HS3ST4: variants seen among roughly 807,000 people sequenced by gnomAD.
The protein encoded by HS3ST4 is heparan sulfate glucosamine 3-O-sulfotransferase 4.
Under a neutral mutation model 29.2 loss-of-function variants are expected in HS3ST4, and 17 were observed. The observed-to-expected ratio is 0.58, with a 90% CI of 0.40 to 0.87. The LOEUF is 0.87. Ranked by LOEUF, HS3ST4 falls within the 40% of genes least tolerant of loss-of-function variation. The pLI, the probability that HS3ST4 is intolerant of heterozygous loss-of-function variation, is 0.00. For missense variants in HS3ST4, 627 were observed against 634.5 expected, an observed-to-expected ratio of 0.99 and a Z score of 0.13; for synonymous variants, 314 against 285.7, an observed-to-expected ratio of 1.10 and a Z score of -1.00.
At chr16:26,047,463 T>C (rs1159609119) in intron 1 of HS3ST4, among the ~76,000 whole-genome samples, 1 of 152,218 alleles carries the variant, frequency 6.6e-6, no homozygotes, top group Non-Finnish European at 1.5e-5. Flanking sequence ...GGGAAGCTAG[T>C]CATTTGTCAG....
chr16:25,997,836 A>T (rs1018992060), intron 1 of HS3ST4, among the ~76,000 whole-genome samples: 3 of 152,186 alleles, frequency 2.0e-5, no homozygotes, highest in African/African-American at 7.2e-5. Flanking sequence ...CCTTAAGGAT[A>T]AATAAATTAT....
intron 1 of HS3ST4, among the ~76,000 whole-genome samples, chr16:26,091,625 G>A (rs1898858549): frequency 6.6e-6 from 1 of 152,136 alleles, no homozygotes; most frequent in African/African-American, 2.4e-5. Context: ...GTGCAACCAA[G>A]CCATATATAT....
intron 1 of HS3ST4, among the ~76,000 whole-genome samples, chr16:25,954,967 A>G (rs1222611597): frequency 1.3e-5 from 2 of 152,204 alleles, no homozygotes; most frequent in African/African-American, 4.8e-5. Flanking sequence ...AATCAACATG[A>G]AGAGCTGAGT....
chr16:25,783,698 A>G (rs1174191433), intron 1 of HS3ST4, among the ~76,000 whole-genome samples: 5 of 152,214 alleles, frequency 3.3e-5, no homozygotes, highest in African/African-American at 1.2e-4. Context: ...ATTGTGGTAA[A>G]ATATACAAAA....
intron 1 of HS3ST4, among the ~76,000 whole-genome samples, chr16:25,845,974 G>A (rs1173192640): frequency 6.6e-6 from 1 of 152,156 alleles, no homozygotes; most frequent in East Asian, 1.9e-4. Flanking sequence ...CGTATTTGGA[G>A]TTGTCCCCTG....
At chr16:25,791,868 G>A (rs914679620) in intron 1 of HS3ST4, among the ~76,000 whole-genome samples, 1 of 151,692 alleles carries the variant, frequency 6.6e-6, no homozygotes, top group African/African-American at 2.4e-5. Flanking sequence ...TCATTTTCTT[G>A]TCTTATGGCA....
At chr16:25,796,722 G>T (rs577456589) in intron 1 of HS3ST4, among the ~76,000 whole-genome samples, 1 of 152,204 alleles carries the variant, frequency 6.6e-6, no homozygotes, top group Non-Finnish European at 1.5e-5. Flanking sequence ...CTCCTGCCTC[G>T]CAGCACTAGC....
At chr16:26,052,799 T>C (rs978691503) in intron 1 of HS3ST4, among the ~76,000 whole-genome samples, 10 of 152,260 alleles carry the variant, frequency 6.6e-5, no homozygotes, top group African/African-American at 2.4e-4. Context: ...TCTTGGACTC[T>C]GAACTGGGAT....
chr16:25,692,449 C>G lies in HS3ST4; in HGVS notation c.32C>G (p.Pro11Arg). The G allele has an allele frequency of 2.4e-6, 3 of 1,270,982 alleles. No individual in the cohort carries two copies. The highest frequency in any genetic ancestry group is 2.0e-6 in the Non-Finnish European group (2 of 998,002). 78.7% of individuals were successfully genotyped at this position (1,270,982 alleles called of 1,614,324 possible). ...CGGTGGCCCGCACCTCCTCCGCCTC[C>G]GCCTCCGCCTCCACCTCTGGCCGCG... MARWPAPPPPPPPPPPLAAPP... is the reference protein window; with the variant it reads MARWPAPPPPRPPPPPLAAPP... Residue 11 changes from proline to arginine, a missense_variant, in exon 1 of 2, where the codon CCG (proline) becomes CGG (arginine). By Grantham distance (103) the Pro-to-Arg change is moderately radical (BLOSUM62 -2). This residue lies in a region of HS3ST4 where 402 missense variants were observed against 340.8 expected (regional missense o/e 1.18). Transcript: ENST00000331351.
At chr16:25,854,855 T>G (rs1415995764) in intron 1 of HS3ST4, among the ~76,000 whole-genome samples, 1 of 150,574 alleles carries the variant, frequency 6.6e-6, no homozygotes, top group Admixed American at 6.6e-5. Flanking sequence ...CCAATATGAG[T>G]GAAAGTTTAC....
chr16:25,909,389 A>G (rs1224520672), intron 1 of HS3ST4, among the ~76,000 whole-genome samples: 2 of 152,074 alleles, frequency 1.3e-5, no homozygotes, highest in East Asian at 3.9e-4. Flanking sequence ...GGGTTTAGCC[A>G]TGTTGTCCAG....
At chr16:26,067,924 C>T (rs780184640) in intron 1 of HS3ST4, among the ~76,000 whole-genome samples, 4 of 152,188 alleles carry the variant, frequency 2.6e-5, no homozygotes, top group Non-Finnish European at 5.9e-5. Context: ...TCCTCCTTTG[C>T]CTTCCACCAT....
At chr16:25,851,163 G>C (rs1967517439) in intron 1 of HS3ST4, among the ~76,000 whole-genome samples, 1 of 152,200 alleles carries the variant, frequency 6.6e-6, no homozygotes, top group Admixed American at 6.5e-5. Context: ...GTCCCATCCT[G>C]TACTAGCACT....
chr16:25,968,338 T>C (rs1468499947), intron 1 of HS3ST4, among the ~76,000 whole-genome samples: 1 of 152,176 alleles, frequency 6.6e-6, no homozygotes, highest in Non-Finnish European at 1.5e-5. Context: ...GGATGTCTGG[T>C]GTCTCTGGAC....
chr16:25,980,227 A>G (rs1968990264), intron 1 of HS3ST4, among the ~76,000 whole-genome samples: 1 of 152,150 alleles, frequency 6.6e-6, no homozygotes, highest in Non-Finnish European at 1.5e-5. Flanking sequence ...CATCTGGGTC[A>G]TTCCTAACAT....
In HS3ST4 at chr16:26,021,435, A is replaced by T. The variant is rs140052489; in HGVS notation, c.735-114177A>T. On this transcript the variant is annotated intron_variant, in intron 1 of 1. Transcript: ENST00000331351. Reference sequence around the variant, plus strand: ...ATCTTACACTCAACCCACTTTACTCATTTGTGTTACCTGTCCGCCATTGTA... The same window carrying T: ...ATCTTACACTCAACCCACTTTACTCTTTTGTGTTACCTGTCCGCCATTGTA... 1.7e-3 allele frequency among the ~76,000 whole-genome samples: 263 copies of T among 152,150 alleles called. 1 individual carries two copies. Among genetic ancestry groups the T allele is most frequent in the African/African-American group, 6.0e-3 (247 of 41,502 alleles).
At chr16:25,884,870 C>T (rs758280321) in intron 1 of HS3ST4, among the ~76,000 whole-genome samples, 15 of 152,098 alleles carry the variant, frequency 9.9e-5, no homozygotes, top group African/African-American at 3.1e-4. Flanking sequence ...CCACTGCGCC[C>T]GGCCGAGGTT....
intron 1 of HS3ST4, among the ~76,000 whole-genome samples, chr16:25,960,042 A>C (rs1029218694): frequency 1.3e-5 from 2 of 152,166 alleles, no homozygotes; most frequent in East Asian, 1.9e-4. Context: ...AAGCTGAGGC[A>C]GGAGAATCAC....
intron 1 of HS3ST4, among the ~76,000 whole-genome samples, chr16:25,886,322 C>A (rs922823875): frequency 4.6e-5 from 7 of 152,136 alleles, no homozygotes; most frequent in Admixed American, 4.6e-4. Flanking sequence ...AGTGAGCCAC[C>A]ATGTCCAGCC....
Sources: allele counts gnomAD v4.1 joint callset (sites outside exome capture counted in the v4.1 genomes callset), GRCh38; gene constraint gnomAD v4.1.1; regional missense constraint gnomAD v4.1.1; transcripts MANE v1.5; gene names NCBI Gene and HGNC (gene_info 2026-07-23, HGNC 2026-07-21).